Variants in FRYL observed in about 807,000 individuals in gnomAD.
FRYL encodes protein furry homolog-like.
A neutral mutation model predicts 351.2 loss-of-function variants in FRYL; 150 were observed. The observed-to-expected ratio is 0.43, with a 90% CI of 0.37 to 0.49. The LOEUF is 0.49. Among genes scored for constraint, FRYL ranks in the 20% least tolerant of loss-of-function variants. The pLI, the probability that FRYL is intolerant of heterozygous loss-of-function variation, is 0.00. For synonymous variants in FRYL, 1,153 were observed against 1,257.1 expected, an observed-to-expected ratio of 0.92 and a Z score of 1.75; for missense variants, 3,036 against 3,619.3, an observed-to-expected ratio of 0.84 and a Z score of 4.13.
intron 3 of FRYL, among the ~76,000 whole-genome samples, chr4:48,655,552 T>C (rs776581): frequency 0.98 from 148,662 of 151,102 alleles, 73,167 homozygotes; most frequent in East Asian, 1. Context: ...TAATTTATCC[T>C]CCAAAGTGAT....
chr4:48,542,179 G>T, intron 44 of FRYL, 58 bp from the exon 45 acceptor site: 1 of 1,147,142 alleles, frequency 8.7e-7, no homozygotes, highest in Non-Finnish European at 1.3e-6. Flanking sequence ...AAACTGCAAT[G>T]GACTTCCTAA....
intron 1 of FRYL, among the ~76,000 whole-genome samples, chr4:48,742,200 G>T (rs1223506519): frequency 2.6e-5 from 4 of 152,152 alleles, no homozygotes; most frequent in Non-Finnish European, 4.4e-5. Flanking sequence ...TTTTTTCAAT[G>T]AGAAAGAATT....
intron 7 of FRYL, among the ~76,000 whole-genome samples, chr4:48,612,864 C>T (rs1748520360): frequency 6.6e-6 from 1 of 152,058 alleles, no homozygotes; most frequent in Admixed American, 6.6e-5. Flanking sequence ...GCTGGGATTA[C>T]AGGCGTGAGC....
intron 3 of FRYL, among the ~76,000 whole-genome samples, chr4:48,636,189 C>T (rs776594): frequency 0.95 from 144,129 of 152,186 alleles, 68,361 homozygotes; most frequent in South Asian, 0.98. Context: ...TTTGTTTACT[C>T]TGTTTCATGA....
intron 16 of FRYL, among the ~76,000 whole-genome samples, 174 bp downstream of exon 16, chr4:48,593,756 A>C (rs1744026244): frequency 1.3e-5 from 2 of 152,162 alleles, no homozygotes; most frequent in South Asian, 4.1e-4. Flanking sequence ...CAAACAAACA[A>C]ACACTATTAT....
At chr4:48,676,756 T>C (rs1172689700) in intron 3 of FRYL, among the ~76,000 whole-genome samples, 1 of 152,214 alleles carries the variant, frequency 6.6e-6, no homozygotes. Context: ...CCTTCCAATC[T>C]TGTATACTTT....
intron 1 of FRYL, among the ~76,000 whole-genome samples, chr4:48,768,527 G>A (rs548856556): frequency 1.3e-4 from 20 of 152,144 alleles, no homozygotes; most frequent in Non-Finnish European, 2.4e-4. Context: ...CAATTCAGCC[G>A]GCTGCAGTAG....
intron 1 of FRYL, among the ~76,000 whole-genome samples, chr4:48,770,010 C>G (rs1381887248): frequency 6.6e-6 from 1 of 152,158 alleles, no homozygotes; most frequent in African/African-American, 2.4e-5. Context: ...TTATACAAAT[C>G]TACCTGTACA....
At chr4:48,509,730 G>C (rs975598884) in intron 59 of FRYL, among the ~76,000 whole-genome samples, 1 of 152,162 alleles carries the variant, frequency 6.6e-6, no homozygotes, top group Non-Finnish European at 1.5e-5. Context: ...TTTGTCAGAG[G>C]TTGTGGATTT....
chr4:48,497,449 G>A lies in FRYL; in HGVS notation c.*1973C>T, dbSNP rs973230129. 7.2e-5 allele frequency: 11 copies of A among 152,614 alleles called. No homozygotes were observed. Among genetic ancestry groups the A allele is most frequent in the African/African-American group, 2.2e-4 (9 of 41,428 alleles). 9.5% of individuals were successfully genotyped at this position (152,614 alleles called of 1,614,324 possible). A position where few individuals can be genotyped will look rare whatever the true frequency, so the allele number is the denominator to read the frequency against. ...AAGCAAATATCAACTGAAAGGTTTGGTTGGGTAGTCAACTAATTTTGTTCT... is the reference window on the plus strand; with the variant it reads ...AAGCAAATATCAACTGAAAGGTTTGATTGGGTAGTCAACTAATTTTGTTCT... On this transcript the variant is annotated 3_prime_UTR_variant, in exon 64 of 64. Transcript: ENST00000358350.
intron 58 of FRYL, 91 bp downstream of exon 58, chr4:48,510,744 C>T: frequency 1.0e-6 from 1 of 1,000,782 alleles, no homozygotes; most frequent in Non-Finnish European, 1.5e-6. Context: ...ACCTTTATAC[C>T]ATAAAATTCA....
At chr4:48,553,430 C>A in intron 35 of FRYL, 47 bp from the exon 36 acceptor site, 1 of 1,401,482 alleles carries the variant, frequency 7.1e-7, no homozygotes, top group Admixed American at 1.9e-5. Context: ...AAGTTTTTAT[C>A]TCATTAATTT....
At position 48,746,089 on chromosome 4, in the gene FRYL, G is replaced by C. The variant is rs559594166; in HGVS notation, c.-384+33989C>G. Among the ~76,000 whole-genome samples the C allele has an allele frequency of 2.6e-5, 4 of 152,254 alleles. No individual in the cohort carries two copies. In the East Asian group the frequency reaches 7.7e-4, roughly 29 times the overall value. ...ATATAAGTTCATTAAAAATCACTGA[G>C]GAATGTTTCAAATCAATCAAGCACC... On this transcript the variant is annotated intron_variant, in intron 1 of 63. Transcript: ENST00000358350.
At chr4:48,617,090 A>G (rs1489272574) in intron 7 of FRYL, among the ~76,000 whole-genome samples, 2 of 152,192 alleles carry the variant, frequency 1.3e-5, no homozygotes, top group Non-Finnish European at 2.9e-5. Context: ...GTTCTTGGTG[A>G]GATACATATA....
At chr4:48,765,089 C>T (rs561802580) in intron 1 of FRYL, among the ~76,000 whole-genome samples, 4 of 152,108 alleles carry the variant, frequency 2.6e-5, no homozygotes, top group Non-Finnish European at 5.9e-5. Flanking sequence ...GTGATCCCCC[C>T]ACCTCGGCCT....
In FRYL at chr4:48,710,601, C is replaced by A; in HGVS notation, c.-286G>T. On this transcript the variant is annotated 5_prime_UTR_variant, in exon 2 of 64. Coordinates refer to ENST00000358350, the MANE Select transcript of FRYL (RefSeq NM_015030.2). Reference sequence around the variant, plus strand: ...GGATCCATCTAGAAGCTTTTTTGATCTGGAGCTTGTACTTTACAGGCACTC... The same window carrying A: ...GGATCCATCTAGAAGCTTTTTTGATATGGAGCTTGTACTTTACAGGCACTC... 5.0e-6 allele frequency: 2 copies of A among 398,514 alleles called. No homozygotes were observed. The highest frequency in any genetic ancestry group is 2.5e-4 in the South Asian group (2 of 7,852). 24.7% of individuals were successfully genotyped at this position (398,514 alleles called of 1,614,324 possible).
At chr4:48,568,726 C>CTTAAATAAACTTAATAAACA in intron 27 of FRYL, among the ~76,000 whole-genome samples, 1 of 152,136 alleles carries the variant, frequency 6.6e-6, no homozygotes, top group Admixed American at 6.5e-5. Context: ...GACCTTTATT[C>CTTAAATAAACTTAATAAACA]CTTAAATAAG....
At chr4:48,514,706 A>C (rs988812371) in intron 56 of FRYL, among the ~76,000 whole-genome samples, 3 of 152,256 alleles carry the variant, frequency 2.0e-5, no homozygotes, top group Non-Finnish European at 4.4e-5. Context: ...ATTGATTTTA[A>C]CATTTGGCCA....
chr4:48,729,728 A>G (rs1342052121), intron 1 of FRYL, among the ~76,000 whole-genome samples: 1 of 152,186 alleles, frequency 6.6e-6, no homozygotes, highest in Non-Finnish European at 1.5e-5. Flanking sequence ...CCAAAACCCC[A>G]TCCGTAGGTC....
Sources: allele counts gnomAD v4.1 joint callset (sites outside exome capture counted in the v4.1 genomes callset), GRCh38; gene constraint gnomAD v4.1.1; transcripts MANE v1.5; gene names NCBI Gene and HGNC (gene_info 2026-07-23, HGNC 2026-07-21).